RANBP2: variants seen among roughly 807,000 people sequenced by gnomAD.
The protein encoded by RANBP2 is RAN binding protein 2.
In RANBP2, 57 loss-of-function variants were observed where a neutral mutation model predicts 303.6. That is an observed-to-expected ratio of 0.19 (90% CI 0.15 to 0.23). The LOEUF is 0.23. Ranked by LOEUF, RANBP2 falls within the 10% of genes least tolerant of loss-of-function variation. The pLI is 1.00. For missense variants in RANBP2, 3,138 were observed against 3,780.8 expected (o/e 0.83, Z 4.46); for synonymous variants, 1,167 against 1,301.5 (o/e 0.90, Z 2.23).
At chr2:108,847,524 C>T in the RANBP2 span, among the ~76,000 whole-genome samples, 1 of 152,122 alleles carries the variant, frequency 6.6e-6, no homozygotes, top group Non-Finnish European at 1.5e-5. Flanking sequence ...TGTAGTGCTT[C>T]ATATATAATA....
At chr2:109,514,347 G>A in the RANBP2 span, among the ~76,000 whole-genome samples, 2 of 152,164 alleles carry the variant, frequency 1.3e-5, no homozygotes, top group Non-Finnish European at 2.9e-5. Flanking sequence ...AGGGCTGTTA[G>A]GAAAACGCAG....
At chr2:109,428,947 G>C in the RANBP2 span, among the ~76,000 whole-genome samples, 4 of 152,190 alleles carry the variant, frequency 2.6e-5, no homozygotes, top group African/African-American at 4.8e-5. Flanking sequence ...TGTCTACGAA[G>C]ACTGGCTCGC....
chr2:108,745,539 T>G (rs1381046318), intron 7 of RANBP2, among the ~76,000 whole-genome samples: 1 of 151,654 alleles, frequency 6.6e-6, no homozygotes, highest in East Asian at 1.9e-4. Context: ...TTTTATAAAA[T>G]AATTTTAATA....
At chr2:108,909,134 T>C in the RANBP2 span, among the ~76,000 whole-genome samples, 9 of 152,230 alleles carry the variant, frequency 5.9e-5, no homozygotes, top group Non-Finnish European at 1.2e-4. Context: ...GAAAGCAGTA[T>C]ATATTTTTTC....
At chr2:109,291,951 C>T in the RANBP2 span, among the ~76,000 whole-genome samples, 1 of 152,254 alleles carries the variant, frequency 6.6e-6, no homozygotes, top group Non-Finnish European at 1.5e-5. Flanking sequence ...ACAAGCCCTG[C>T]CTCTCAAGTT....
chr2:108,936,638 A>C, the RANBP2 span, among the ~76,000 whole-genome samples: 1 of 152,158 alleles, frequency 6.6e-6, no homozygotes, highest in African/African-American at 2.4e-5. Flanking sequence ...CCATCAACCC[A>C]GACAGACCTC....
At chr2:109,068,942 C>T in the RANBP2 span, among the ~76,000 whole-genome samples, 90 of 152,270 alleles carry the variant, frequency 5.9e-4, no homozygotes, top group African/African-American at 2.1e-3. Flanking sequence ...AATCTTATAT[C>T]GGTTGTGAGG....
At chr2:108,877,756 G>A in the RANBP2 span, among the ~76,000 whole-genome samples, 1 of 152,118 alleles carries the variant, frequency 6.6e-6, no homozygotes, top group Admixed American at 6.5e-5. Flanking sequence ...GCCAAAGAAA[G>A]AACTGCATGT....
chr2:109,397,747 G>A, the RANBP2 span, among the ~76,000 whole-genome samples: 2 of 152,222 alleles, frequency 1.3e-5, no homozygotes, highest in Non-Finnish European at 2.9e-5. Context: ...AGCCCCTCCA[G>A]GTGATGCCGC....
chr2:108,945,081 G>A, the RANBP2 span, among the ~76,000 whole-genome samples: 1 of 152,140 alleles, frequency 6.6e-6, no homozygotes, highest in Non-Finnish European at 1.5e-5. Context: ...CCTTGAATGC[G>A]CAAAGGAGTT....
chr2:109,414,631 G>C, the RANBP2 span, among the ~76,000 whole-genome samples: 2 of 152,118 alleles, frequency 1.3e-5, no homozygotes, highest in Admixed American at 6.6e-5. Flanking sequence ...CATGACCCCA[G>C]ATCTGCTGCC....
the RANBP2 span, among the ~76,000 whole-genome samples, chr2:109,778,382 A>T: frequency 6.7e-6 from 1 of 148,292 alleles, no homozygotes; most frequent in Non-Finnish European, 1.5e-5. Context: ...GATTCAAGCT[A>T]TTAAGTCCTT....
chr2:109,485,304 G>T, the RANBP2 span, among the ~76,000 whole-genome samples: 1 of 152,164 alleles, frequency 6.6e-6, no homozygotes, highest in African/African-American at 2.4e-5. Flanking sequence ...GTGCACTTAC[G>T]GGTCACATGT....
the RANBP2 span, among the ~76,000 whole-genome samples, chr2:109,090,398 C>T: frequency 6.6e-6 from 1 of 151,030 alleles, no homozygotes; most frequent in Admixed American, 6.6e-5. Context: ...GTGCAAAGAG[C>T]CTATGAAAAG....
chr2:109,400,626 C>A, the RANBP2 span, among the ~76,000 whole-genome samples: 2 of 152,020 alleles, frequency 1.3e-5, no homozygotes, highest in Non-Finnish European at 2.9e-5. Context: ...ACATACACAC[C>A]CACACATACA....
chr2:108,934,709 G>A, the RANBP2 span, among the ~76,000 whole-genome samples: 27 of 152,240 alleles, frequency 1.8e-4, no homozygotes, highest in Non-Finnish European at 4.0e-4. Flanking sequence ...GTTATAACCA[G>A]CCCACTCTCG....
the RANBP2 span, among the ~76,000 whole-genome samples, chr2:108,923,860 C>T: frequency 6.6e-6 from 1 of 152,230 alleles, no homozygotes; most frequent in Non-Finnish European, 1.5e-5. Context: ...TGTGAGCACC[C>T]TCCCCAGAGC....
At chr2:108,864,499 A>C in the RANBP2 span, among the ~76,000 whole-genome samples, 1 of 151,988 alleles carries the variant, frequency 6.6e-6, no homozygotes, top group Non-Finnish European at 1.5e-5. Flanking sequence ...CCATCTCTAC[A>C]AAAAAATTAA....
At chr2:109,500,623 A>G in the RANBP2 span, among the ~76,000 whole-genome samples, 8 of 152,170 alleles carry the variant, frequency 5.3e-5, no homozygotes, top group Non-Finnish European at 1.2e-4. Context: ...AGGCACTGGG[A>G]AAAAAATCTT....
Sources: gnomAD v4.1 joint callset for allele counts (sites outside exome capture counted in the v4.1 genomes callset) on GRCh38, gnomAD v4.1.1 for gene constraint, MANE v1.5 for transcripts, NCBI Gene and HGNC (gene_info 2026-07-23, HGNC 2026-07-21) for gene names.